The following TBC1D22A variants were observed in gnomAD, a reference collection of about 807,000 sequenced individuals.
The protein encoded by TBC1D22A is putative GTPase activator.
Under a neutral mutation model 60.2 loss-of-function variants are expected in TBC1D22A, and 38 were observed. The ratio of observed to expected loss-of-function variants is 0.63; its 90% CI spans 0.49 to 0.83. TBC1D22A has a LOEUF of 0.83. Among genes scored for constraint, TBC1D22A ranks in the 40% least tolerant of loss-of-function variants. TBC1D22A has a pLI of 0.00. For synonymous variants in TBC1D22A, 302 were observed against 281.7 expected, an observed-to-expected ratio of 1.07 and a Z score of -0.72; for missense variants, 628 against 701.0, an observed-to-expected ratio of 0.90 and a Z score of 1.18.
At chr22:46,775,351 A>G (rs2083659608) in intron 1 of TBC1D22A, among the ~76,000 whole-genome samples, 1 of 152,196 alleles carries the variant, frequency 6.6e-6, no homozygotes, top group Non-Finnish European at 1.5e-5. Context: ...TTCTTTCCGA[A>G]TACGGAAGGG....
intron 11 of TBC1D22A, among the ~76,000 whole-genome samples, chr22:47,088,333 G>A (rs1361574510): frequency 1.3e-5 from 2 of 152,094 alleles, no homozygotes; most frequent in Non-Finnish European, 2.9e-5. Context: ...TAGTCGTACA[G>A]AAAGCAAGGA....
intron 8 of TBC1D22A, among the ~76,000 whole-genome samples, chr22:46,971,267 C>T (rs766329156): frequency 8.5e-5 from 13 of 152,186 alleles, no homozygotes; most frequent in Non-Finnish European, 1.5e-4. Context: ...GCTCACGCGG[C>T]GCCTGGCTCT....
At chr22:46,794,696 G>A (rs1411850034) in intron 3 of TBC1D22A, among the ~76,000 whole-genome samples, 2 of 152,224 alleles carry the variant, frequency 1.3e-5, no homozygotes, top group South Asian at 2.1e-4. Context: ...CAGGTGCCAC[G>A]GTCAAGAGAG....
intron 4 of TBC1D22A, among the ~76,000 whole-genome samples, chr22:46,826,298 C>T (rs936679778): frequency 1.3e-5 from 2 of 152,134 alleles, no homozygotes; most frequent in Non-Finnish European, 2.9e-5. Context: ...CTTTCCTGGC[C>T]GCCCCTGTTC....
rs561006076 is a variant in TBC1D22A at position 46,944,559 on chromosome 22, C to A, written c.1016-29731C>A. Among the ~76,000 whole-genome samples, 5 of 152,098 alleles carry A rather than the reference C, an allele frequency of 3.3e-5. No individual in the cohort carries two copies. The East Asian group carries it at 9.6e-4, about 29-fold the overall frequency. On this transcript the variant is annotated intron_variant, in intron 8 of 12. Coordinates refer to ENST00000337137, the MANE Select transcript of TBC1D22A (RefSeq NM_014346.5). Reference sequence around the variant, plus strand: ...GACTACAGGCGCCCGCCACCATGCCCGGCTAATTTCTTGTATTTTTAGTAG... The same window carrying A: ...GACTACAGGCGCCCGCCACCATGCCAGGCTAATTTCTTGTATTTTTAGTAG...
In TBC1D22A at chr22:47,138,115, G is replaced by A. The variant is rs1394821232; in HGVS notation, c.1425+26512G>A. ...GCTCCGGCACTCATGGAGATACCTT[G>A]TGAGCCGCAGTCCTCGTGGGATCGT... is the stretch of plus-strand genomic sequence containing the variant. On this transcript the variant is annotated intron_variant, in intron 12 of 12. Coordinates refer to ENST00000337137, the MANE Select transcript of TBC1D22A (RefSeq NM_014346.5). 2.6e-5 allele frequency among the ~76,000 whole-genome samples: 4 copies of A among 152,320 alleles called. No homozygotes were observed. In the East Asian group the frequency reaches 7.7e-4, roughly 29 times the overall value.
chr22:46,860,287 A>G (rs7285991), intron 4 of TBC1D22A, among the ~76,000 whole-genome samples: 5 of 48,306 alleles, frequency 1.0e-4, no homozygotes, highest in Admixed American at 1.9e-4. Flanking sequence ...CCTTCCCGGG[A>G]CCAGAATCCT....
At chr22:46,910,884 G>T (rs888165772) in intron 7 of TBC1D22A, among the ~76,000 whole-genome samples, 1 of 150,334 alleles carries the variant, frequency 6.7e-6, no homozygotes, top group Non-Finnish European at 1.5e-5. Context: ...TCCAGGCAGC[G>T]GTAGGAGTAC....
At chr22:47,033,134 C>T (rs1478229168) in intron 10 of TBC1D22A, among the ~76,000 whole-genome samples, 2 of 152,196 alleles carry the variant, frequency 1.3e-5, no homozygotes, top group East Asian at 3.9e-4. Flanking sequence ...TTCCACGTGT[C>T]AGTGCGCTGG....
chr22:47,082,461 G>A (rs2064509643), intron 11 of TBC1D22A, among the ~76,000 whole-genome samples: 1 of 152,098 alleles, frequency 6.6e-6, no homozygotes, highest in Admixed American at 6.5e-5. Flanking sequence ...GGACAGACAG[G>A]GAGGGTATAT....
At chr22:46,800,380 G>A (rs1375019601) in intron 4 of TBC1D22A, among the ~76,000 whole-genome samples, 1 of 152,020 alleles carries the variant, frequency 6.6e-6, no homozygotes, top group Non-Finnish European at 1.5e-5. Context: ...TCGTGCTTAC[G>A]GGAGTCTAGT....
chr22:47,137,736 G>C (rs1177268288), intron 12 of TBC1D22A, among the ~76,000 whole-genome samples: 1 of 152,206 alleles, frequency 6.6e-6, no homozygotes, highest in African/African-American at 2.4e-5. Context: ...AAGGGTGGGC[G>C]CAAGTGGGAA....
chr22:46,831,498 A>T (rs1015257348), intron 4 of TBC1D22A, among the ~76,000 whole-genome samples: 3 of 152,124 alleles, frequency 2.0e-5, no homozygotes, highest in Non-Finnish European at 4.4e-5. Flanking sequence ...TTGGTTCAAG[A>T]TCATATCTAG....
chr22:47,026,364 A>G (rs1336889136), intron 10 of TBC1D22A, among the ~76,000 whole-genome samples: 1 of 152,200 alleles, frequency 6.6e-6, no homozygotes, highest in Non-Finnish European at 1.5e-5. Context: ...TCCGGTGTGT[A>G]TACGGGAGAT....
At chr22:47,001,458 A>G (rs2148252666) in intron 10 of TBC1D22A, among the ~76,000 whole-genome samples, 2 of 151,830 alleles carry the variant, frequency 1.3e-5, no homozygotes, top group South Asian at 2.1e-4. Flanking sequence ...AAAGAAAAAA[A>G]AAAAAAAAAA....
At chr22:46,783,934 T>G (rs1195595679) in intron 1 of TBC1D22A, among the ~76,000 whole-genome samples, 1 of 152,254 alleles carries the variant, frequency 6.6e-6, no homozygotes, top group Non-Finnish European at 1.5e-5. Flanking sequence ...AGAAGTGGAA[T>G]TACGTCATAT....
chr22:47,110,736 G>A (rs1000055459), intron 11 of TBC1D22A, among the ~76,000 whole-genome samples: 2 of 152,222 alleles, frequency 1.3e-5, no homozygotes, highest in Non-Finnish European at 1.5e-5. Flanking sequence ...AGAGAAGGTA[G>A]CACCCCAAGA....
chr22:47,020,106 G>T (rs1351921869), intron 10 of TBC1D22A, among the ~76,000 whole-genome samples: 1 of 152,140 alleles, frequency 6.6e-6, no homozygotes, highest in Non-Finnish European at 1.5e-5. Flanking sequence ...ACTTTTACTG[G>T]GTCTTGCTCT....
intron 12 of TBC1D22A, among the ~76,000 whole-genome samples, chr22:47,143,032 T>G (rs1391857313): frequency 1.3e-5 from 2 of 151,776 alleles, no homozygotes; most frequent in Non-Finnish European, 2.9e-5. Flanking sequence ...GCCTTGAAGG[T>G]GACTGCCTGG....
Sources: gnomAD v4.1 joint callset for allele counts (sites outside exome capture counted in the v4.1 genomes callset) on GRCh38, gnomAD v4.1.1 for gene constraint, MANE v1.5 for transcripts, NCBI Gene and HGNC (gene_info 2026-07-23, HGNC 2026-07-21) for gene names.